The following UROC1 variants were observed in gnomAD, a reference collection of about 807,000 sequenced individuals.
The protein encoded by UROC1 is urocanate hydratase.
Under a neutral mutation model 89.5 loss-of-function variants are expected in UROC1, and 79 were observed. The ratio of observed to expected loss-of-function variants is 0.88; its 90% CI spans 0.74 to 1.06. The LOEUF is 1.06. Ranked by LOEUF, UROC1 falls within the 50% of genes least tolerant of loss-of-function variation. The pLI is 0.00. For synonymous variants in UROC1, 361 were observed against 354.8 expected (o/e 1.02, Z -0.20); for missense variants, 885 against 907.8 (o/e 0.97, Z 0.32).
chr3:126,508,598 G>A, intron 3 of UROC1, 123 bp from the exon 4 acceptor site: 1 of 757,610 alleles, frequency 1.3e-6, no homozygotes, highest in Middle Eastern at 2.8e-4. Context: ...AGCCAGAAGG[G>A]TGAGGCCCAG....
rs373598889 is a variant in UROC1, at chr3:126,500,177, A to T, written c.1146-23T>A. On this transcript the variant is annotated intron_variant, in intron 11 of 19. Coordinates refer to ENST00000290868, the MANE Select transcript of UROC1 (RefSeq NM_144639.3). The stretch of plus-strand genomic sequence containing the variant: ...AGGCTGCAACAAGCCATGGGTCAGC[A>T]CCACCGCTGTGAGGCCCTGGGGCCT... 3.1e-6 allele frequency: 5 copies of T among 1,611,734 alleles called. No individual in the cohort carries two copies. In the African/African-American group the frequency reaches 6.7e-5, roughly 22 times the overall value.
At chr3:126,517,201 CGGGA>C (rs1265207313) in intron 1 of UROC1, among the ~76,000 whole-genome samples, 1 of 152,128 alleles carries the variant, frequency 6.6e-6, no homozygotes, top group Non-Finnish European at 1.5e-5. Flanking sequence ...CAGAGATTTG[CGGGA>C]GGGACATTTG....
rs749257323 is a variant in UROC1 at position 126,517,694 on chromosome 3, G to C, written c.26C>G (p.Ser9Cys). Reference protein sequence around the residue: MSSLQALCSGLPLRPLPEN... With the variant: MSSLQALCCGLPLRPLPEN... ...TGGGAGGGGCCGCAGGGGCAGGCCA[G>C]AGCACAGCGCCTGGAGGCTAGACAT... The change falls in exon 1 of 20, where the codon TCT becomes TGT. Residue 9 changes from serine (S) to cysteine (C), a missense_variant. Transcript: ENST00000290868. The C allele has an allele frequency of 2.5e-6, 4 of 1,592,930 alleles. No homozygotes were observed. The Admixed American group carries it at 5.3e-5, about 21-fold the overall frequency.
intron 1 of UROC1, among the ~76,000 whole-genome samples, chr3:126,511,510 C>T (rs988972438): frequency 1.3e-5 from 2 of 152,208 alleles, no homozygotes; most frequent in Admixed American, 6.5e-5. Flanking sequence ...CGGGGCTTGA[C>T]GGGACATTTT....
chr3:126,510,704 G>A lies in UROC1; in HGVS notation c.217C>T (p.His73Tyr). 6.2e-7 allele frequency: 1 copy of A among 1,614,188 alleles called. No homozygotes were observed. Among genetic ancestry groups the A allele is most frequent in the Non-Finnish European group, 8.5e-7 (1 of 1,180,048 alleles). The change falls in exon 2 of 20, where the codon CAC becomes TAC. Residue 73 changes from histidine to tyrosine, a missense_variant. Physicochemically the swap from His to Tyr is moderately conservative, Grantham distance 83. Transcript: ENST00000290868. ...EFAQELQLYGHIYMYRFCPDI... is the reference protein window; with the variant it reads ...EFAQELQLYGYIYMYRFCPDI... ...GGGCAAAACCGGTACATGTAGATGT[G>A]TCCGTACAGTTGCAGCTCCTGGGCA...
At chr3:126,511,019 ATCCCTCTC>A (rs1936183454) in intron 1 of UROC1, among the ~76,000 whole-genome samples, 1 of 151,858 alleles carries the variant, frequency 6.6e-6, no homozygotes, top group Admixed American at 6.6e-5. Flanking sequence ...AGGCAGACTG[ATCCCTCTC>A]TCTTCTTGCT....
At chr3:126,501,961 T>A in intron 9 of UROC1, 1 of 1,580,272 alleles carries the variant, frequency 6.3e-7, no homozygotes, top group Non-Finnish European at 8.6e-7. Context: ...GTGGGAACCG[T>A]GAGCAGAGCT....
At chr3:126,494,335 C>T (rs1046552211) in intron 15 of UROC1, among the ~76,000 whole-genome samples, 1 of 152,170 alleles carries the variant, frequency 6.6e-6, no homozygotes, top group Non-Finnish European at 1.5e-5. Flanking sequence ...GCACCTCCCA[C>T]GGCCCCTTCT....
intron 19 of UROC1, among the ~76,000 whole-genome samples, chr3:126,482,864 C>A (rs1313475977): frequency 6.6e-6 from 1 of 152,092 alleles, no homozygotes; most frequent in Non-Finnish European, 1.5e-5. Context: ...GCCTCCTCCC[C>A]CATTCCCCTC....
At chr3:126,489,972 C>G (rs1180452877) in intron 16 of UROC1, among the ~76,000 whole-genome samples, 3 of 152,088 alleles carry the variant, frequency 2.0e-5, no homozygotes, top group African/African-American at 7.2e-5. Context: ...CAGCCTGGCC[C>G]CTGACCTGTG....
intron 12 of UROC1, 53 bp from the exon 13 acceptor site, chr3:126,499,462 C>T (rs1935863662): frequency 1.3e-6 from 2 of 1,553,776 alleles, no homozygotes; most frequent in Non-Finnish European, 1.8e-6. Context: ...CCATGGCCAC[C>T]CTAGATGGCA....
chr3:126,482,415 C>T lies in UROC1; in HGVS notation c.1961G>A (p.Ser654Asn). The change falls in exon 20 of 20, where the codon AGC becomes AAC. Residue 654 changes from serine (S) to asparagine (N), a missense_variant. Physicochemically the swap from Ser to Asn is conservative, Grantham distance 46. Coordinates refer to ENST00000290868, the MANE Select transcript of UROC1 (RefSeq NM_144639.3). Reference sequence around the variant, plus strand: ...GTGAGGCAGTGTCACCACCAAGGTGCTGTTCTCCTGCATGGTCTGGCAGAT... The same window carrying T: ...GTGAGGCAGTGTCACCACCAAGGTGTTGTTCTCCTGCATGGTCTGGCAGAT... ...EIICQTMQEN[S>N]TLVVTLPHKV... 1 of 1,614,050 alleles carries T rather than the reference C, an allele frequency of 6.2e-7. No individual in the cohort carries two copies.
chr3:126,509,648 C>T lies in UROC1; in HGVS notation c.288G>A (p.Gln96=), dbSNP rs1329725703. Residue 96 remains glutamine (Q), a synonymous_variant, in exon 3 of 20, where the codon CAG becomes CAA. Transcript: ENST00000290868. The part of the protein sequence containing the change: ...RAYPIEQYPC[Q]TKVAAAIMHM... ...GCATGATGGCGGCAGCCACTTTCGT[C>T]TGGCAGGGGTACTGCTCAATCGGGT... is the stretch of plus-strand genomic sequence containing the variant. 6.4e-7 allele frequency: 1 copy of T among 1,552,242 alleles called. No individual in the cohort carries two copies. Among genetic ancestry groups the T allele is most frequent in the Non-Finnish European group, 8.7e-7 (1 of 1,147,256 alleles).
intron 9 of UROC1, among the ~76,000 whole-genome samples, chr3:126,502,754 GTTGTGTGTGT>G (rs1935963543): frequency 9.6e-6 from 1 of 103,906 alleles, no homozygotes; most frequent in Admixed American, 9.5e-5. Context: ...GCATGTGTAT[GTTGTGTGTGT>G]TTGTGTGTGC....
intron 8 of UROC1, 132 bp downstream of exon 8, chr3:126,505,569 A>C: frequency 7.2e-7 from 1 of 1,395,420 alleles, no homozygotes; most frequent in Non-Finnish European, 9.7e-7. Context: ...TTCGTGGAGG[A>C]GGCAAGGGTG....
intron 16 of UROC1, 138 bp downstream of exon 16, chr3:126,492,280 C>T: frequency 2.5e-6 from 2 of 814,516 alleles, no homozygotes; most frequent in South Asian, 1.5e-5. Context: ...GAGCACTGGG[C>T]TGCTGAGGCC....
Position 126,499,336 on chromosome 3 carries a change from C to T in UROC1, c.1316+1G>A, listed in dbSNP as rs772322510. On this transcript the variant is annotated splice_donor_variant, in intron 13 of 19. Coordinates refer to ENST00000290868, the MANE Select transcript of UROC1 (RefSeq NM_144639.3). LOFTEE classifies it high-confidence loss of function. Reference sequence around the variant, plus strand: ...AGATGTGGCAGCCGCCCATCACTCACCCCATGATGTGCTGCACATAGGAAG... The same window carrying T: ...AGATGTGGCAGCCGCCCATCACTCATCCCATGATGTGCTGCACATAGGAAG... 2.5e-6 allele frequency: 4 copies of T among 1,611,052 alleles called. No individual in the cohort carries two copies. The highest frequency in any genetic ancestry group is 3.4e-6 in the Non-Finnish European group (4 of 1,179,486).
chr3:126,508,174 T>C, intron 4 of UROC1, 79 bp from the exon 5 acceptor site: 1 of 1,610,764 alleles, frequency 6.2e-7, no homozygotes. Flanking sequence ...CGTCCACGCC[T>C]GGACAGCTCC....
At chr3:126,513,130 A>G (rs959913527) in intron 1 of UROC1, among the ~76,000 whole-genome samples, 2 of 136,622 alleles carry the variant, frequency 1.5e-5, no homozygotes, top group Non-Finnish European at 3.2e-5. Context: ...CAGCCCACAG[A>G]GCAGGGTGTG....
Sources: allele counts gnomAD v4.1 joint callset (sites outside exome capture counted in the v4.1 genomes callset), GRCh38; gene constraint gnomAD v4.1.1; transcripts MANE v1.5; gene names NCBI Gene and HGNC (gene_info 2026-07-23, HGNC 2026-07-21).